The following RSRP1 variants were observed in gnomAD, a reference collection of about 807,000 sequenced individuals.
RSRP1 encodes the protein arginine and serine rich protein 1.
In RSRP1, 37 loss-of-function variants were observed where a neutral mutation model predicts 33.0. That is an observed-to-expected ratio of 1.12 (90% CI 0.86 to 1.48). The LOEUF (loss-of-function observed/expected upper bound fraction) is 1.48, where lower values mean the gene tolerates loss of function less well. Ranked by LOEUF, RSRP1 falls within the 40% of genes most tolerant of loss-of-function variation. The pLI, the probability that RSRP1 is intolerant of heterozygous loss-of-function variation, is 0.00. For synonymous variants in RSRP1, 167 were observed against 158.7 expected, an observed-to-expected ratio of 1.05 and a Z score of -0.40; for missense variants, 402 against 385.3, an observed-to-expected ratio of 1.04 and a Z score of -0.36.
chr1:25,244,180 T>C (rs983183869), intron 3 of RSRP1: 6 of 1,288,904 alleles, frequency 4.7e-6, no homozygotes, highest in African/African-American at 3.0e-5. Context: ...AATAAACTTA[T>C]CTGCAAGTGA....
At chr1:25,246,231 T>C (rs1255663773) in intron 2 of RSRP1, among the ~76,000 whole-genome samples, 1 of 152,226 alleles carries the variant, frequency 6.6e-6, no homozygotes, top group Non-Finnish European at 1.5e-5. Context: ...AAAAGTTCCC[T>C]ACATCCTGAG....
intron 1 of RSRP1, among the ~76,000 whole-genome samples, chr1:25,288,821 G>A (rs1642258564): frequency 7.8e-6 from 1 of 128,202 alleles, no homozygotes; most frequent in East Asian, 2.0e-4. Flanking sequence ...CGGCACACAC[G>A]CTCCTGAGTT....
chr1:25,322,166 A>G (rs575438328), intron 1 of RSRP1, among the ~76,000 whole-genome samples: 5 of 131,260 alleles, frequency 3.8e-5, no homozygotes, highest in African/African-American at 1.3e-4. Flanking sequence ...AAAGGTCACC[A>G]TTTCCCTGAT....
rs749497703 is a variant in RSRP1, at chr1:25,319,213, T to G, written c.-67+18765A>C. 5.3e-5 allele frequency among the ~76,000 whole-genome samples: 7 copies of G among 132,500 alleles called. 1 individual carries two copies. Among genetic ancestry groups the G allele is most frequent in the Non-Finnish European group, 8.9e-5 (5 of 55,918 alleles). The allele number at this position is 132,500 out of a possible 152,430, so 86.9% of individuals were successfully genotyped here. A position where few individuals can be genotyped will look rare whatever the true frequency, so the allele number is the denominator to read the frequency against. ...AAAGTACCAGGAGGTCTTTTCTTATTCTTCACTGGAGTCAAAAAAGAGAAT... is the reference window on the plus strand; with the variant it reads ...AAAGTACCAGGAGGTCTTTTCTTATGCTTCACTGGAGTCAAAAAAGAGAAT... On this transcript the variant is annotated intron_variant, in intron 1 of 1. Coordinates refer to the RSRP1 transcript ENST00000561867.
chr1:25,269,725 G>A lies in RSRP1; in HGVS notation c.-66-22696C>T, dbSNP rs1311057196. On this transcript the variant is annotated intron_variant, in intron 1 of 1. Transcript: ENST00000561867. ...GTCAGAGGGGAAGAGCAAAACCTCT[G>A]CTTTTGACAAATCTGTTGGGAGAGG... is the stretch of plus-strand genomic sequence containing the variant. 1.5e-5 allele frequency among the ~76,000 whole-genome samples: 2 copies of A among 132,858 alleles called. 1 individual carries two copies. Among genetic ancestry groups the A allele is most frequent in the African/African-American group, 5.1e-5 (2 of 38,890 alleles). 87.2% of individuals were successfully genotyped at this position (132,858 alleles called of 152,430 possible).
At chr1:25,312,954 A>AAC (rs1644243939) in intron 1 of RSRP1, among the ~76,000 whole-genome samples, 1 of 110,990 alleles carries the variant, frequency 9.0e-6, no homozygotes, top group Non-Finnish European at 2.1e-5. Context: ...AAAAAAAAAA[A>AAC]ACTTTAGTGC....
chr1:25,284,712 C>T (rs1269815381), intron 1 of RSRP1: 1 of 1,388,748 alleles, frequency 7.2e-7, no homozygotes, highest in Non-Finnish European at 1.0e-6. Flanking sequence ...TGCTGGACGG[C>T]TTCCTGAGCC....
At position 25,332,785 on chromosome 1, in the gene RSRP1, C is replaced by T. The variant is rs1645034877; in HGVS notation, c.-67+5193G>A. On this transcript the variant is annotated intron_variant, in intron 1 of 1. Coordinates refer to the RSRP1 transcript ENST00000561867. The stretch of plus-strand genomic sequence containing the variant: ...TACTTTGAATTCAAACAAAAGTATA[C>T]GTAGTCAGGGTTCCCCAGAGAGACA... Among the ~76,000 whole-genome samples the T allele has an allele frequency of 2.3e-5, 3 of 132,398 alleles. 1 individual carries two copies. Among genetic ancestry groups the T allele is most frequent in the South Asian group, 2.3e-4 (1 of 4,354 alleles). 86.9% of individuals were successfully genotyped at this position (132,398 alleles called of 152,430 possible).
At chr1:25,309,794 G>A (rs1644043593) in intron 1 of RSRP1, among the ~76,000 whole-genome samples, 1 of 132,158 alleles carries the variant, frequency 7.6e-6, no homozygotes, top group African/African-American at 2.6e-5. Flanking sequence ...CACTCACAGG[G>A]CTGCTGTGAG....
rs111568147 is a variant in RSRP1, at chr1:25,283,487, T to C, written c.-66-36458A>G. On this transcript the variant is annotated intron_variant, in intron 1 of 1. Coordinates refer to the RSRP1 transcript ENST00000561867. ...CAGAGGTTGCAGTGAGCCAAGATCT[T>C]GCCACTGTACTCCAGCCTGGGTGAC... Among the ~76,000 whole-genome samples, 43 of 129,666 alleles carry C rather than the reference T, an allele frequency of 3.3e-4. 7 individuals carry two copies. The highest frequency in any genetic ancestry group is 5.8e-4 in the Non-Finnish European group (32 of 54,828). 85.1% of individuals were successfully genotyped at this position (129,666 alleles called of 152,430 possible). A position where few individuals can be genotyped will look rare whatever the true frequency, so the allele number is the denominator to read the frequency against.
chr1:25,306,654 G>C, intron 1 of RSRP1: 1 of 1,378,792 alleles, frequency 7.3e-7, no homozygotes. Context: ...TACAACTTCA[G>C]CTTGCTGGGT....
At chr1:25,273,274 C>T (rs1640647408) in intron 1 of RSRP1, among the ~76,000 whole-genome samples, 1 of 125,490 alleles carries the variant, frequency 8.0e-6, no homozygotes, top group Admixed American at 7.9e-5. Flanking sequence ...AAGCTGGGAC[C>T]ACAGGAGGGC....
chr1:25,259,953 T>A (rs1331691773), intron 1 of RSRP1, among the ~76,000 whole-genome samples: 1 of 152,022 alleles, frequency 6.6e-6, no homozygotes, highest in Non-Finnish European at 1.5e-5. Context: ...AGTGTTTAAA[T>A]GCTCTTCTGA....
At position 25,313,695 on chromosome 1, in the gene RSRP1, A is replaced by C. The variant is rs140444853; in HGVS notation, c.-67+24283T>G. 3.5e-4 allele frequency among the ~76,000 whole-genome samples: 46 copies of C among 132,368 alleles called. 5 individuals carry two copies. The East Asian group carries it at 4.5e-3, about 13-fold the overall frequency. The allele number at this position is 132,368 out of a possible 152,430, so 86.8% of individuals were successfully genotyped here. On this transcript the variant is annotated intron_variant, in intron 1 of 1. Transcript: ENST00000561867. ...CAGCAGAAAGAGAGGGGGAACTGGG[A>C]CTATGCCTTTATGAAAAAGAGTGGT...
chr1:25,245,254 G>A lies in RSRP1; in HGVS notation c.568C>T (p.Leu190=), dbSNP rs147790749. ...GGCAAGTCAATGTTGGTTGTTCCTA[G>A]AGCTTTCGCTGCATTGGTTTTTGCT... The part of the protein sequence containing the change: ...EIAKTNAAKA[L]GTTNIDLPAS... The change falls in exon 3 of 5, where the codon CTA becomes TTA. Residue 190 remains leucine, a synonymous_variant. Coordinates refer to ENST00000243189, the MANE Select transcript of RSRP1 (RefSeq NM_020317.5). 1.9e-6 allele frequency: 3 copies of A among 1,613,834 alleles called. No homozygotes were observed. The highest frequency in any genetic ancestry group is 1.3e-5 in the African/African-American group (1 of 74,850).
rs1175416358 is a variant in RSRP1 at position 25,283,818 on chromosome 1, T to A, written c.-66-36789A>T. On this transcript the variant is annotated intron_variant, in intron 1 of 1. Transcript: ENST00000561867. Reference sequence around the variant, plus strand: ...TGATTTGAACCCAAGTTTGTCTCGTTCTGGAGCTCAAGCTGCTAACCCTTT... The same window carrying A: ...TGATTTGAACCCAAGTTTGTCTCGTACTGGAGCTCAAGCTGCTAACCCTTT... Among the ~76,000 whole-genome samples, 3 of 133,906 alleles carry A rather than the reference T, an allele frequency of 2.2e-5. 1 individual carries two copies. Among genetic ancestry groups the A allele is most frequent in the African/African-American group, 7.9e-5 (3 of 37,936 alleles). 87.8% of individuals were successfully genotyped at this position (133,906 alleles called of 152,430 possible).
intron 1 of RSRP1, among the ~76,000 whole-genome samples, chr1:25,255,270 C>A (rs901463792): frequency 2.0e-5 from 3 of 152,164 alleles, no homozygotes; most frequent in Non-Finnish European, 4.4e-5. Context: ...ATGCAGTCTA[C>A]TTTGTGTCCT....
At position 25,307,112 on chromosome 1, in the gene RSRP1, C is replaced by A. The variant is rs769648227; in HGVS notation, c.-67+30866G>T. Among the ~76,000 whole-genome samples the A allele has an allele frequency of 2.0e-4, 27 of 132,742 alleles. 9 individuals carry two copies. The highest frequency in any genetic ancestry group is 3.9e-4 in the Non-Finnish European group (22 of 56,102). 87.1% of individuals were successfully genotyped at this position (132,742 alleles called of 152,430 possible). On this transcript the variant is annotated intron_variant, in intron 1 of 1. Transcript: ENST00000561867. ...GCTGGGCATGTGGCTTAACCTTTCTCAGCCTCAGTCGCCCCATTGTAAATG... is the reference window on the plus strand; with the variant it reads ...GCTGGGCATGTGGCTTAACCTTTCTAAGCCTCAGTCGCCCCATTGTAAATG...
At chr1:25,287,443 C>A (rs1317589359) in intron 1 of RSRP1, among the ~76,000 whole-genome samples, 5 of 135,266 alleles carry the variant, frequency 3.7e-5, no homozygotes, top group Admixed American at 7.1e-5. Context: ...CTAGGGGTGA[C>A]CCCTGCTGAA....
Sources: gnomAD v4.1 joint callset for allele counts (sites outside exome capture counted in the v4.1 genomes callset) on GRCh38, gnomAD v4.1.1 for gene constraint, MANE v1.5 for transcripts, NCBI Gene and HGNC (gene_info 2026-07-23, HGNC 2026-07-21) for gene names.